The following OPRM1 variants were observed in gnomAD, a reference collection of about 807,000 sequenced individuals.
The protein encoded by OPRM1 is opioid receptor mu 1.
In OPRM1, 27 loss-of-function variants were observed where a neutral mutation model predicts 31.8. The ratio of observed to expected loss-of-function variants is 0.85; its 90% CI spans 0.63 to 1.17. The LOEUF is 1.17. Among genes scored for constraint, OPRM1 ranks in the 50% most tolerant of loss-of-function variants. OPRM1 has a pLI of 0.00. For synonymous variants in OPRM1, 196 were observed against 189.9 expected (o/e 1.03, Z -0.26); for missense variants, 536 against 511.1 (o/e 1.05, Z -0.47).
rs894542287 is a variant in OPRM1, at chr6:154,094,175, A to G, written c.1164+2703A>G. 18 of 1,239,744 alleles carry G rather than the reference A, an allele frequency of 1.5e-5. No homozygotes were observed. In the African/African-American group the frequency reaches 2.6e-4, roughly 18 times the overall value. The allele number at this position is 1,239,744 out of a possible 1,614,324, so 76.8% of individuals were successfully genotyped here. On this transcript the variant is annotated intron_variant, in intron 3 of 3. Coordinates refer to ENST00000330432, the MANE Select transcript of OPRM1 (RefSeq NM_000914.5). ...GAATATATTATACTCTATATGTCAC[A>G]TTTCAAGCACATTAGTCAACTTCAT...
At chr6:154,111,909 G>T (rs1796402354) in intron 3 of OPRM1, among the ~76,000 whole-genome samples, 13 of 152,030 alleles carry the variant, frequency 8.6e-5, no homozygotes. Flanking sequence ...GGGACTACAG[G>T]CACCTGCCAC....
At chr6:154,019,337 C>G (rs1024677545) in intron 1 of OPRM1, among the ~76,000 whole-genome samples, 1 of 151,448 alleles carries the variant, frequency 6.6e-6, no homozygotes, top group African/African-American at 2.4e-5. Flanking sequence ...CACACAGCCT[C>G]CCCACAATTA....
intron 1 of OPRM1, among the ~76,000 whole-genome samples, chr6:154,071,344 T>G (rs1786674425): frequency 1.3e-5 from 2 of 152,184 alleles, no homozygotes. Flanking sequence ...TGCCAAGATT[T>G]CAGTGAGGCA....
Position 154,030,877 on chromosome 6 carries a change from C to A in OPRM1, c.1-8284C>A, listed in dbSNP as rs550651576. Among the ~76,000 whole-genome samples, 25 of 152,272 alleles carry A rather than the reference C, an allele frequency of 1.6e-4. 1 individual carries two copies. Among genetic ancestry groups the A allele is most frequent in the Admixed American group, 1.2e-3 (19 of 15,292 alleles). On this transcript the variant is annotated intron_variant, in intron 1 of 5. Transcript: ENST00000434900. Reference sequence around the variant, plus strand: ...ACCATTAAAATACATGGACTGCTTTCATTGTTCTTACATGAAAGCAGTCAC... The same window carrying A: ...ACCATTAAAATACATGGACTGCTTTAATTGTTCTTACATGAAAGCAGTCAC...
At chr6:154,043,889 T>C (rs1467992389) in intron 1 of OPRM1, among the ~76,000 whole-genome samples, 1 of 152,084 alleles carries the variant, frequency 6.6e-6, no homozygotes, top group East Asian at 1.9e-4. Flanking sequence ...GGAGAACAAC[T>C]CTTCTTCTGT....
chr6:154,042,716 A>G (rs1487258440), intron 1 of OPRM1, among the ~76,000 whole-genome samples: 2 of 152,234 alleles, frequency 1.3e-5, no homozygotes, highest in African/African-American at 4.8e-5. Flanking sequence ...AGAAACTGTA[A>G]TATGTTCTAA....
intron 1 of OPRM1, among the ~76,000 whole-genome samples, chr6:154,066,481 T>A (rs187590927): frequency 6.6e-6 from 1 of 152,204 alleles, no homozygotes; most frequent in East Asian, 1.9e-4. Context: ...TACTTTAGTC[T>A]TGAGAGGTGT....
chr6:154,221,503 GA>G (rs1778854567), intron 3 of OPRM1, among the ~76,000 whole-genome samples: 1 of 152,148 alleles, frequency 6.6e-6, no homozygotes. Context: ...TTCATATAGA[GA>G]ACTAAGAGTC....
At chr6:154,218,603 G>T (rs183950718) in intron 3 of OPRM1, among the ~76,000 whole-genome samples, 12 of 152,288 alleles carry the variant, frequency 7.9e-5, no homozygotes, top group Admixed American at 2.0e-4. Context: ...CAGTAAGAAG[G>T]GAAGTTCTTC....
chr6:154,229,647 T>C (rs57869542), intron 3 of OPRM1, among the ~76,000 whole-genome samples: 12,919 of 152,102 alleles, frequency 0.085, 990 homozygotes, highest in East Asian at 0.43. Flanking sequence ...TGAGCCACCG[T>C]GCCCAGCAGT....
rs568691467 is a variant in OPRM1, at chr6:154,049,051, C to T, written c.290+9217C>T. 2.6e-5 allele frequency among the ~76,000 whole-genome samples: 4 copies of T among 152,228 alleles called. No homozygotes were observed. The South Asian group carries it at 6.2e-4, about 24-fold the overall frequency. ...TAAAATTTTCATCAGCTAATGCATT[C>T]GTAACCTTGTTTTATGTGTGTTTCT... On this transcript the variant is annotated intron_variant, in intron 1 of 3. Coordinates refer to ENST00000330432, the MANE Select transcript of OPRM1 (RefSeq NM_000914.5).
chr6:154,195,833 C>T (rs1776574738), intron 3 of OPRM1, among the ~76,000 whole-genome samples: 1 of 151,222 alleles, frequency 6.6e-6, no homozygotes, highest in Admixed American at 6.6e-5. Flanking sequence ...GCTCTGTCAC[C>T]CAGGCTGGGG....
chr6:154,067,760 C>T (rs1169233545), intron 1 of OPRM1, among the ~76,000 whole-genome samples: 1 of 151,130 alleles, frequency 6.6e-6, no homozygotes, highest in African/African-American at 2.4e-5. Context: ...ATTGGCACTA[C>T]CTCCTTCCCT....
intron 1 of OPRM1, among the ~76,000 whole-genome samples, chr6:154,018,683 G>A: frequency 6.6e-6 from 1 of 152,018 alleles, no homozygotes. Context: ...ACAGGTTCGG[G>A]AATGAAGACT....
chr6:154,010,725 G>A (rs1255952941), exon 1 of OPRM1: 6 of 1,429,340 alleles, frequency 4.2e-6, no homozygotes, highest in Non-Finnish European at 5.5e-6. Context: ...GTGTGGACAT[G>A]ACTTTGCCTG....
At chr6:154,105,164 T>C (rs1040361618) in intron 3 of OPRM1, among the ~76,000 whole-genome samples, 1 of 152,224 alleles carries the variant, frequency 6.6e-6, no homozygotes, top group Admixed American at 6.5e-5. Context: ...ATAACTATAC[T>C]ACCATAAGTT....
At chr6:154,098,407 C>T (rs911440212) in intron 3 of OPRM1, among the ~76,000 whole-genome samples, 2 of 152,126 alleles carry the variant, frequency 1.3e-5, no homozygotes, top group Non-Finnish European at 1.5e-5. Context: ...TATTTTACAG[C>T]CATTTTTTGT....
intron 3 of OPRM1, chr6:154,107,939 G>C: frequency 3.6e-6 from 2 of 553,558 alleles, no homozygotes; most frequent in Non-Finnish European, 3.1e-6. Context: ...TTACAGAGGA[G>C]ATAAACACTG....
chr6:154,119,242 C>T lies in OPRM1; in HGVS notation c.*521C>T. The T allele has an allele frequency of 1.0e-6, 1 of 985,054 alleles. No homozygotes were observed. The highest frequency in any genetic ancestry group is 1.2e-6 in the Non-Finnish European group (1 of 829,278). 61.0% of individuals were successfully genotyped at this position (985,054 alleles called of 1,614,324 possible). A position where few individuals can be genotyped will look rare whatever the true frequency, so the allele number is the denominator to read the frequency against. ...CCTTAAAATTAGCATCTGGCTAAGG[C>T]ATCATTTTCACCTCCATTTCTTGGT... On this transcript the variant is annotated 3_prime_UTR_variant, in exon 4 of 4. Transcript: ENST00000330432.
Sources: allele counts gnomAD v4.1 joint callset (sites outside exome capture counted in the v4.1 genomes callset), GRCh38; gene constraint gnomAD v4.1.1; transcripts MANE v1.5; gene names NCBI Gene and HGNC (gene_info 2026-07-23, HGNC 2026-07-21).